Variants in FAM13A observed in about 807,000 individuals in gnomAD.
The protein encoded by FAM13A is protein FAM13A.
In FAM13A, 76 loss-of-function variants were observed where a neutral mutation model predicts 129.6. That is an observed-to-expected ratio of 0.59 (90% CI 0.49 to 0.71). FAM13A has a LOEUF of 0.71. FAM13A is among the 30% of genes least tolerant of loss of function. The pLI, the probability that FAM13A is intolerant of heterozygous loss-of-function variation, is 0.00. For synonymous variants in FAM13A, 443 were observed against 449.9 expected (o/e 0.98, Z 0.20); for missense variants, 1,108 against 1,249.3 (o/e 0.89, Z 1.70).
rs538934631 is a variant in FAM13A, at chr4:88,974,834, T to C, written c.605+16139A>G. Among the ~76,000 whole-genome samples, 25 of 152,142 alleles carry C rather than the reference T, an allele frequency of 1.6e-4. 1 individual carries two copies. In the South Asian group the frequency reaches 5.0e-3, roughly 30 times the overall value. On this transcript the variant is annotated intron_variant, in intron 4 of 23. Coordinates refer to ENST00000264344, the MANE Select transcript of FAM13A (RefSeq NM_014883.4). The stretch of plus-strand genomic sequence containing the variant: ...GGGGAGAGTTCAGAGTTAGGTAAGT[T>C]TGAATGAAATACAAGCTAGTTCTCG...
At chr4:88,784,411 T>G (rs751676688) in intron 10 of FAM13A, among the ~76,000 whole-genome samples, 39 of 152,298 alleles carry the variant, frequency 2.6e-4, no homozygotes, top group Admixed American at 5.2e-4. Flanking sequence ...GCAGGTGTAC[T>G]CAATTCCTTC....
At chr4:88,864,372 C>G (rs1302958322) in intron 6 of FAM13A, among the ~76,000 whole-genome samples, 2 of 152,108 alleles carry the variant, frequency 1.3e-5, no homozygotes, top group East Asian at 3.9e-4. Context: ...GTTATTAAAT[C>G]AAGATGATTG....
chr4:89,028,044 A>C (rs761482625), intron 2 of FAM13A, among the ~76,000 whole-genome samples: 3 of 109,434 alleles, frequency 2.7e-5, no homozygotes, highest in Non-Finnish European at 4.2e-5. Flanking sequence ...ATCTCTACTA[A>C]TAATACAAAA....
At chr4:88,948,870 A>G (rs927966351) in intron 4 of FAM13A, among the ~76,000 whole-genome samples, 3 of 152,198 alleles carry the variant, frequency 2.0e-5, no homozygotes, top group Non-Finnish European at 4.4e-5. Flanking sequence ...ATTTTATAGC[A>G]TGTAGATTGT....
intron 8 of FAM13A, among the ~76,000 whole-genome samples, chr4:88,803,821 T>A (rs527896703): frequency 6.6e-6 from 1 of 152,364 alleles, no homozygotes; most frequent in South Asian, 2.1e-4. Context: ...TCGCTAAGCC[T>A]GAAGTCCTAT....
intron 4 of FAM13A, among the ~76,000 whole-genome samples, chr4:88,965,231 T>C (rs990490768): frequency 2.0e-5 from 3 of 152,088 alleles, no homozygotes; most frequent in African/African-American, 7.2e-5. Context: ...GAGAGAGACA[T>C]AGAAAGGAAA....
rs751043687 is a variant in FAM13A at position 88,731,376 on chromosome 4, G to A, written c.2896C>T (p.Arg966Ter). 9.3e-6 allele frequency: 15 copies of A among 1,608,224 alleles called. No homozygotes were observed. Among genetic ancestry groups the A allele is most frequent in the Non-Finnish European group, 1.3e-5 (15 of 1,179,598 alleles). ...QEMREEKKRIRKKLRDFEDNF... is the reference protein window; with the variant it reads ...QEMREEKKRI ...TCTTCAAAATCCCGAAGTTTCTTTC[G>A]AATCCTTTTCTTTTCTTCTCTCATT... The change falls in exon 23 of 24, where the codon CGA becomes TGA. Residue 966 changes from arginine (R) to a stop codon, truncating the protein, a stop_gained. Transcript: ENST00000264344. LOFTEE classifies it high-confidence loss of function.
rs1751940168 is a variant in FAM13A at position 88,925,443 on chromosome 4, A to C, written c.759+12645T>G. The stretch of plus-strand genomic sequence containing the variant: ...AATTGGAAATCATCATTCTCAGTAA[A>C]CTATCGCAAGGACAAAAAACCAAAC... On this transcript the variant is annotated intron_variant, in intron 5 of 23. Coordinates refer to ENST00000264344, the MANE Select transcript of FAM13A (RefSeq NM_014883.4). Among the ~76,000 whole-genome samples the C allele has an allele frequency of 2.6e-5, 4 of 151,836 alleles. No individual in the cohort carries two copies. In the South Asian group the frequency reaches 8.3e-4, roughly 32 times the overall value.
chr4:88,848,736 T>C (rs1381765590), intron 7 of FAM13A, among the ~76,000 whole-genome samples: 1 of 152,230 alleles, frequency 6.6e-6, no homozygotes, highest in African/African-American at 2.4e-5. Flanking sequence ...TTTATATCAT[T>C]TTTCTACTTA....
rs1202562749 is a variant in FAM13A at position 88,747,020 on chromosome 4, A to G, written c.2383-5T>C. ...AATCTGGTCTTTGGTCATATCCTGTATAAACACAGGGATAGAGAATTGAAA... is the reference window on the plus strand; with the variant it reads ...AATCTGGTCTTTGGTCATATCCTGTGTAAACACAGGGATAGAGAATTGAAA... On this transcript the variant is annotated splice_polypyrimidine_tract_variant and splice_region_variant and intron_variant, in intron 18 of 23. Transcript: ENST00000264344. The G allele has an allele frequency of 1.3e-6, 2 of 1,579,590 alleles. No homozygotes were observed. Among genetic ancestry groups the G allele is most frequent in the Non-Finnish European group, 1.7e-6 (2 of 1,148,780 alleles).
At chr4:88,737,955 G>A (rs901620056) in intron 20 of FAM13A, among the ~76,000 whole-genome samples, 2 of 152,328 alleles carry the variant, frequency 1.3e-5, no homozygotes, top group Admixed American at 6.5e-5. Flanking sequence ...TGACTTCTCT[G>A]TTGCACCTTC....
At chr4:88,812,742 T>C (rs1402971712) in intron 7 of FAM13A, among the ~76,000 whole-genome samples, 1 of 151,906 alleles carries the variant, frequency 6.6e-6, no homozygotes, top group African/African-American at 2.4e-5. Flanking sequence ...TTTCCAGATT[T>C]GTTGTTATCT....
chr4:88,891,503 AG>A (rs1579144191), intron 6 of FAM13A, among the ~76,000 whole-genome samples: 4 of 152,358 alleles, frequency 2.6e-5, no homozygotes, highest in Admixed American at 6.5e-5. Context: ...TTATACTAAA[AG>A]CATGTAGAAC....
Position 88,728,181 on chromosome 4 carries a change from G to C in FAM13A, c.*352C>G. 4.6e-6 allele frequency: 1 copy of C among 218,526 alleles called. No homozygotes were observed. Among genetic ancestry groups the C allele is most frequent in the Non-Finnish European group, 9.1e-6 (1 of 109,386 alleles). 13.5% of individuals were successfully genotyped at this position (218,526 alleles called of 1,614,324 possible). ...TCTTGTTTCTCAGTTATCCAGGGAA[G>C]AACAGTGTATATTCTCTGTAGATGA... On this transcript the variant is annotated 3_prime_UTR_variant, in exon 24 of 24. Transcript: ENST00000264344.
intron 8 of FAM13A, 24 bp downstream of exon 8, chr4:88,804,987 G>A (rs1266757248): frequency 1.4e-6 from 2 of 1,445,604 alleles, no homozygotes; most frequent in South Asian, 1.2e-5. Context: ...CCCTGTAGTA[G>A]ACCAACAAAA....
intron 13 of FAM13A, 145 bp from the exon 14 acceptor site, chr4:88,759,046 G>A (rs1410674095): frequency 3.7e-6 from 3 of 807,888 alleles, no homozygotes; most frequent in Non-Finnish European, 5.7e-6. Flanking sequence ...ATGGCTTGAT[G>A]CCCCCCGGAT....
chr4:88,749,883 T>C lies in FAM13A; in HGVS notation c.1967A>G (p.Tyr656Cys), dbSNP rs1321426872. 13 of 1,613,896 alleles carry C rather than the reference T, an allele frequency of 8.1e-6. No individual in the cohort carries two copies. The highest frequency in any genetic ancestry group is 5.0e-5 in the Admixed American group (3 of 60,002). The change falls in exon 16 of 24, where the codon TAT becomes TGT. Residue 656 changes from tyrosine (Y) to cysteine (C), a missense_variant. Transcript: ENST00000264344. ...TGTCAGGTCCTCTTGCTCATCATCA[T>C]AGGACCCCAGAGAGGAGCTTCGCCG... ...MRRRSSSLGS[Y>C]DDEQEDLTPA...
At chr4:88,823,035 C>A in intron 7 of FAM13A, 1 of 1,613,352 alleles carries the variant, frequency 6.2e-7, no homozygotes, top group Non-Finnish European at 8.5e-7. Context: ...GGGAATCTCA[C>A]AACTGTCTCT....
intron 5 of FAM13A, among the ~76,000 whole-genome samples, chr4:88,920,593 G>A (rs965365094): frequency 1.9e-4 from 29 of 152,108 alleles, no homozygotes; most frequent in Non-Finnish European, 4.1e-4. Flanking sequence ...AAACCACAAA[G>A]ATGGGGAAAA....
Sources: allele counts gnomAD v4.1 joint callset (sites outside exome capture counted in the v4.1 genomes callset), GRCh38; gene constraint gnomAD v4.1.1; transcripts MANE v1.5; gene names NCBI Gene and HGNC (gene_info 2026-07-23, HGNC 2026-07-21).